HTR1D: variants seen among roughly 807,000 people sequenced by gnomAD.
HTR1D encodes the protein 5-HT-1D.
A neutral mutation model predicts 21.1 loss-of-function variants in HTR1D; 18 were observed. The observed-to-expected ratio is 0.85, with a 90% CI of 0.59 to 1.27. The LOEUF (loss-of-function observed/expected upper bound fraction) is 1.27. Ranked by LOEUF, HTR1D falls within the 50% of genes most tolerant of loss-of-function variation. HTR1D has a pLI of 0.00. For missense variants in HTR1D, 456 were observed against 481.4 expected (o/e 0.95, Z 0.49); for synonymous variants, 196 against 204.4 (o/e 0.96, Z 0.35).
chr1:23,193,529 G>A lies in HTR1D; in HGVS notation c.691C>T (p.Pro231Ser). The change falls in exon 2 of 2, where the codon CCA (proline) becomes TCA (serine). Residue 231 changes from proline to serine, a missense_variant. By Grantham distance (74) the Pro-to-Ser change is moderately conservative. Coordinates refer to ENST00000374619, the MANE Select transcript of HTR1D (RefSeq NM_000864.5). ...AAGCGCTTCCCATAGAGTGAGGGTG[G>A]ATTCAGGATGCGGTTCCGGGCAGCC... The part of the protein sequence containing the change: ...YRAARNRILN[P>S]PSLYGKRFTT... 1 of 1,614,026 alleles carries A rather than the reference G, an allele frequency of 6.2e-7. No homozygotes were observed. Among genetic ancestry groups the A allele is most frequent in the Non-Finnish European group, 8.5e-7 (1 of 1,179,910 alleles).
At chr1:23,213,306 C>G (rs1161548842) in intron 1 of HTR1D, among the ~76,000 whole-genome samples, 1 of 152,040 alleles carries the variant, frequency 6.6e-6, no homozygotes, top group Non-Finnish European at 1.5e-5. Context: ...ATGGTGAAAC[C>G]CCGTCTCTAC....
intron 1 of HTR1D, among the ~76,000 whole-genome samples, chr1:23,198,640 G>A (rs1377233772): frequency 1.3e-5 from 2 of 152,140 alleles, no homozygotes. Flanking sequence ...GGTAGCATAT[G>A]GCGTATTCCT....
chr1:23,210,818 C>G (rs1195087802), intron 1 of HTR1D, among the ~76,000 whole-genome samples: 1 of 152,104 alleles, frequency 6.6e-6, no homozygotes, highest in Non-Finnish European at 1.5e-5. Context: ...GCCTTTAGAA[C>G]TGCATCCCCC....
chr1:23,194,143 G>A lies in HTR1D; in HGVS notation c.77C>T (p.Ser26Leu), dbSNP rs1333552537. The change falls in exon 2 of 2, where the codon TCA (serine) becomes TTA (leucine). Residue 26 changes from serine to leucine, a missense_variant. Physicochemically the swap from Ser to Leu is moderately radical, Grantham distance 145. Coordinates refer to ENST00000374619, the MANE Select transcript of HTR1D (RefSeq NM_000864.5). ...SNRSLNATETSEAWDPRTLQA... is the reference protein window; with the variant it reads ...SNRSLNATETLEAWDPRTLQA... ...GAGGGTCCTGGGATCCCAAGCCTCT[G>A]AGGTTTCTGTGGCATTCAGGGATCT... The A allele has an allele frequency of 6.2e-7, 1 of 1,614,128 alleles. No homozygotes were observed. Among genetic ancestry groups the A allele is most frequent in the South Asian group, 1.1e-5 (1 of 91,084 alleles).
Position 23,193,814 on chromosome 1 carries a change from T to C in HTR1D, c.406A>G (p.Arg136Gly), listed in dbSNP as rs1246115876. 7 of 1,614,102 alleles carry C rather than the reference T, an allele frequency of 4.3e-6. No individual in the cohort carries two copies. Among genetic ancestry groups the C allele is most frequent in the Non-Finnish European group, 5.1e-6 (6 of 1,180,036 alleles). Residue 136 changes from arginine to glycine, a missense_variant, in exon 2 of 2, where the codon AGG (arginine) becomes GGG (glycine). Physicochemically the swap from Arg to Gly is moderately radical, Grantham distance 125. Transcript: ENST00000374619. Reference protein sequence around the residue: ...ILHLCVIALDRYWAITDALEY... With the variant: ...ILHLCVIALDGYWAITDALEY... ...AGGGCATCTGTGATTGCCCAGTACCTGTCCAGAGCAATGACACAGAGATGC... is the reference window on the plus strand; with the variant it reads ...AGGGCATCTGTGATTGCCCAGTACCCGTCCAGAGCAATGACACAGAGATGC...
Position 23,193,582 on chromosome 1 carries a change from A to G in HTR1D, c.638T>C (p.Leu213Pro). Residue 213 changes from leucine (L) to proline (P), a missense_variant, in exon 2 of 2, where the codon CTC becomes CCC. Coordinates refer to ENST00000374619, the MANE Select transcript of HTR1D (RefSeq NM_000864.5). ...CGAFYIPSVL[L>P]IILYGRIYRA... Reference sequence around the variant, plus strand: ...GTAGATCCGGCCATATAGGATGATGAGCAACACCGAGGGAATGTAGAAGGC... The same window carrying G: ...GTAGATCCGGCCATATAGGATGATGGGCAACACCGAGGGAATGTAGAAGGC... 6.2e-7 allele frequency: 1 copy of G among 1,614,040 alleles called. No homozygotes were observed. The highest frequency in any genetic ancestry group is 8.5e-7 in the Non-Finnish European group (1 of 1,179,946).
At chr1:23,199,185 C>T (rs1442933437) in intron 1 of HTR1D, among the ~76,000 whole-genome samples, 2 of 152,080 alleles carry the variant, frequency 1.3e-5, no homozygotes, top group Admixed American at 1.3e-4. Flanking sequence ...ATGATCACAG[C>T]TCACTGCAGT....
rs1354915897 is a variant in HTR1D, at chr1:23,192,123, T to A, written c.*963A>T. On this transcript the variant is annotated 3_prime_UTR_variant, in exon 2 of 2. Coordinates refer to ENST00000374619, the MANE Select transcript of HTR1D (RefSeq NM_000864.5). ...AGAATGTGAAGATGGCGCAGGCATA[T>A]TGGGGAAGAAGGAAGGGTACAGGGT... is the stretch of plus-strand genomic sequence containing the variant. 1 of 152,062 alleles carries A rather than the reference T, an allele frequency of 6.6e-6. No homozygotes were observed. The highest frequency in any genetic ancestry group is 1.5e-5 in the Non-Finnish European group (1 of 68,008). 9.4% of individuals were successfully genotyped at this position (152,062 alleles called of 1,614,324 possible).
At chr1:23,204,898 C>T (rs1644723992) in intron 1 of HTR1D, among the ~76,000 whole-genome samples, 1 of 152,192 alleles carries the variant, frequency 6.6e-6, no homozygotes, top group Non-Finnish European at 1.5e-5. Flanking sequence ...CCAAGGGTAT[C>T]TATCCAGAGG....
chr1:23,205,002 C>A (rs576898647), intron 1 of HTR1D, among the ~76,000 whole-genome samples: 3 of 152,180 alleles, frequency 2.0e-5, no homozygotes, highest in Admixed American at 6.5e-5. Flanking sequence ...CCCAAATGCC[C>A]ATCAATCAAC....
intron 1 of HTR1D, among the ~76,000 whole-genome samples, chr1:23,213,797 A>G (rs1295876378): frequency 6.6e-6 from 1 of 152,144 alleles, no homozygotes; most frequent in South Asian, 2.1e-4. Context: ...GGGCTCCAGC[A>G]GTTTGCCCAC....
intron 1 of HTR1D, among the ~76,000 whole-genome samples, chr1:23,203,029 C>T (rs1461772910): frequency 6.6e-6 from 1 of 152,168 alleles, no homozygotes; most frequent in Middle Eastern, 3.4e-3. Flanking sequence ...ATTCTCCTGT[C>T]TCAGCCTCCG....
Position 23,192,898 on chromosome 1 carries a change from G to A in HTR1D, c.*188C>T, listed in dbSNP as rs189834015. 2.0e-4 allele frequency: 17 copies of A among 87,010 alleles called. No individual in the cohort carries two copies. In the East Asian group the frequency reaches 3.2e-3, roughly 16 times the overall value. The allele number at this position is 87,010 out of a possible 1,614,324, so 5.4% of individuals were successfully genotyped here. On this transcript the variant is annotated 3_prime_UTR_variant, in exon 2 of 2. Coordinates refer to ENST00000374619, the MANE Select transcript of HTR1D (RefSeq NM_000864.5). Reference sequence around the variant, plus strand: ...AGTGAAATCTTCAGTCCTGCCCCCCGCCCCCCACCACCCACAGCTCTTTCA... The same window carrying A: ...AGTGAAATCTTCAGTCCTGCCCCCCACCCCCCACCACCCACAGCTCTTTCA...
chr1:23,193,073 T>C lies in HTR1D; in HGVS notation c.*13A>G. 2 of 1,558,748 alleles carry C rather than the reference T, an allele frequency of 1.3e-6. No homozygotes were observed. Among genetic ancestry groups the C allele is most frequent in the Non-Finnish European group, 1.7e-6 (2 of 1,148,194 alleles). On this transcript the variant is annotated 3_prime_UTR_variant, in exon 2 of 2. Transcript: ENST00000374619. ...AGGACACAAAAGATAACAAGAGTCA[T>C]CACCGAATAAGACTAGGAGGCCTTC...
Position 23,193,245 on chromosome 1 carries a change from G to C in HTR1D, c.975C>G (p.Pro325=). The C allele has an allele frequency of 1.9e-6, 3 of 1,614,134 alleles. No homozygotes were observed. Among genetic ancestry groups the C allele is most frequent in the Non-Finnish European group, 2.5e-6 (3 of 1,180,020 alleles). ...GGATCCAGCAGGAGTCCCGGCAGAT[G>C]GGGAGGACCAGAGACACCACGAAGA... is the stretch of plus-strand genomic sequence containing the variant. ...LPFFVVSLVL[P]ICRDSCWIHP... The change falls in exon 2 of 2, where the codon CCC becomes CCG. Residue 325 remains proline (P), a synonymous_variant. Coordinates refer to ENST00000374619, the MANE Select transcript of HTR1D (RefSeq NM_000864.5).
At position 23,193,572 on chromosome 1, in the gene HTR1D, T is replaced by C. The variant is rs926932576; in HGVS notation, c.648A>G (p.Leu216=). The change falls in exon 2 of 2, where the codon CTA becomes CTG. Residue 216 remains leucine (L), a synonymous_variant. Coordinates refer to ENST00000374619, the MANE Select transcript of HTR1D (RefSeq NM_000864.5). ...GGGCAGCCCGGTAGATCCGGCCATA[T>C]AGGATGATGAGCAACACCGAGGGAA... is the stretch of plus-strand genomic sequence containing the variant. ...FYIPSVLLII[L]YGRIYRAARN... 3 of 1,613,810 alleles carry C rather than the reference T, an allele frequency of 1.9e-6. No homozygotes were observed. Among genetic ancestry groups the C allele is most frequent in the South Asian group, 2.2e-5 (2 of 91,068 alleles).
At chr1:23,202,018 A>G (rs949507169) in intron 1 of HTR1D, among the ~76,000 whole-genome samples, 1 of 152,150 alleles carries the variant, frequency 6.6e-6, no homozygotes, top group African/African-American at 2.4e-5. Flanking sequence ...TGCCTAGCAC[A>G]GTGGCTGGCA....
chr1:23,212,773 C>T (rs1234250908), intron 1 of HTR1D, among the ~76,000 whole-genome samples: 1 of 152,042 alleles, frequency 6.6e-6, no homozygotes, highest in Non-Finnish European at 1.5e-5. Context: ...TTATGTCCCA[C>T]AGGGGCTCCA....
intron 1 of HTR1D, among the ~76,000 whole-genome samples, chr1:23,210,546 G>T (rs1644749775): frequency 6.6e-6 from 1 of 152,124 alleles, no homozygotes; most frequent in Non-Finnish European, 1.5e-5. Context: ...CAGGAATTGG[G>T]CTCAGAGAGG....
Sources: allele counts gnomAD v4.1 joint callset (sites outside exome capture counted in the v4.1 genomes callset), GRCh38; gene constraint gnomAD v4.1.1; transcripts MANE v1.5; gene names NCBI Gene and HGNC (gene_info 2026-07-23, HGNC 2026-07-21).